Variants in GALM observed in about 807,000 individuals in gnomAD.
GALM encodes aldose 1-epimerase.
In GALM, 43 loss-of-function variants were observed where a neutral mutation model predicts 37.4. That is an observed-to-expected ratio of 1.15 (90% confidence interval 0.90 to 1.48). GALM has a LOEUF of 1.48. Ranked by LOEUF, GALM falls within the 40% of genes most tolerant of loss-of-function variation. GALM has a pLI of 0.00. For missense variants in GALM, 456 were observed against 419.1 expected, an observed-to-expected ratio of 1.09 and a Z score of -0.77; for synonymous variants, 199 against 170.6, an observed-to-expected ratio of 1.17 and a Z score of -1.30.
chr2:38,703,939 C>T (rs1489940873), intron 4 of GALM, among the ~76,000 whole-genome samples: 1 of 151,856 alleles, frequency 6.6e-6, no homozygotes, highest in Non-Finnish European at 1.5e-5. Context: ...TGCTTTGAAC[C>T]CAGGAGGCAG....
At chr2:38,725,095 C>CTG (rs1666458448) in intron 4 of GALM, among the ~76,000 whole-genome samples, 1 of 152,146 alleles carries the variant, frequency 6.6e-6, no homozygotes, top group Non-Finnish European at 1.5e-5. Flanking sequence ...TTTGAGTTGA[C>CTG]TGTGGCTTTA....
intron 4 of GALM, among the ~76,000 whole-genome samples, chr2:38,726,793 G>A (rs1173059657): frequency 6.6e-6 from 1 of 151,972 alleles, no homozygotes; most frequent in African/African-American, 2.4e-5. Flanking sequence ...CTACTTGGGA[G>A]GCTGAGGCAG....
At chr2:38,679,784 T>G (rs1312144814) in intron 2 of GALM, among the ~76,000 whole-genome samples, 1 of 152,210 alleles carries the variant, frequency 6.6e-6, no homozygotes, top group Non-Finnish European at 1.5e-5. Context: ...GCCTCCATTC[T>G]TTCATTATTC....
intron 3 of GALM, among the ~76,000 whole-genome samples, chr2:38,687,628 T>C (rs1464427026): frequency 6.6e-6 from 1 of 151,786 alleles, no homozygotes; most frequent in Non-Finnish European, 1.5e-5. Context: ...GGAGAATTGC[T>C]TGAACCCTGG....
intron 3 of GALM, among the ~76,000 whole-genome samples, chr2:38,684,128 A>G (rs1476942555): frequency 6.6e-6 from 1 of 152,170 alleles, no homozygotes; most frequent in African/African-American, 2.4e-5. Flanking sequence ...TGATATTTAA[A>G]TTAGTCAGCT....
intron 2 of GALM, among the ~76,000 whole-genome samples, chr2:38,676,453 G>T (rs1335066243): frequency 6.6e-6 from 1 of 152,030 alleles, no homozygotes; most frequent in Non-Finnish European, 1.5e-5. Flanking sequence ...TCACTAAATG[G>T]GAAAACCGAG....
intron 4 of GALM, among the ~76,000 whole-genome samples, chr2:38,708,111 T>TTAAAATAAAA (rs60153386): frequency 1.5e-4 from 21 of 135,738 alleles, no homozygotes; most frequent in African/African-American, 4.6e-4. Flanking sequence ...TGTATCAAAA[T>TTAAAATAAAA]TAAAATAAAA....
intron 4 of GALM, among the ~76,000 whole-genome samples, chr2:38,693,076 C>G (rs1665716449): frequency 6.6e-6 from 1 of 152,176 alleles, no homozygotes; most frequent in South Asian, 2.1e-4. Context: ...GAGCTCAAGG[C>G]CGATCCACAT....
intron 4 of GALM, among the ~76,000 whole-genome samples, chr2:38,694,410 C>T (rs1253692437): frequency 6.6e-6 from 1 of 152,122 alleles, no homozygotes; most frequent in African/African-American, 2.4e-5. Flanking sequence ...CTGTCTCCTC[C>T]TTGTTCCTTC....
intron 4 of GALM, 131 bp downstream of exon 4, chr2:38,690,025 G>A: frequency 1.7e-6 from 1 of 582,968 alleles, no homozygotes; most frequent in Non-Finnish European, 3.0e-6. Flanking sequence ...TTATTCTAGT[G>A]GTAATTTCTT....
chr2:38,698,438 T>A, intron 4 of GALM: 1 of 1,299,210 alleles, frequency 7.7e-7, no homozygotes, highest in South Asian at 1.2e-5. Context: ...AGTTTGCAGG[T>A]ACACTGTCAG....
intron 4 of GALM, among the ~76,000 whole-genome samples, chr2:38,708,203 G>C (rs1666079943): frequency 6.6e-6 from 1 of 151,932 alleles, no homozygotes; most frequent in Non-Finnish European, 1.5e-5. Context: ...GGGAGACCGA[G>C]GCAAGAGTAT....
At chr2:38,730,220 C>A (rs534439434) in intron 5 of GALM, among the ~76,000 whole-genome samples, 8 of 152,318 alleles carry the variant, frequency 5.3e-5, no homozygotes, top group South Asian at 2.1e-4. Flanking sequence ...CTAATATCAT[C>A]CTTGGCACTA....
At chr2:38,692,897 G>C (rs1160557676) in intron 4 of GALM, among the ~76,000 whole-genome samples, 1 of 152,184 alleles carries the variant, frequency 6.6e-6, no homozygotes, top group Non-Finnish European at 1.5e-5. Context: ...GAAATAGCAG[G>C]ACTAGCCCAG....
chr2:38,696,781 CTTT>C (rs34163863), intron 4 of GALM, among the ~76,000 whole-genome samples: 1 of 68,474 alleles, frequency 1.5e-5, no homozygotes, highest in African/African-American at 6.6e-5. Context: ...CCCAAGAAAG[CTTT>C]TTTTTTTTTT....
chr2:38,709,927 T>A lies in GALM; in HGVS notation c.635-19629T>A, dbSNP rs1249627198. 3.9e-5 allele frequency among the ~76,000 whole-genome samples: 6 copies of A among 152,334 alleles called. No homozygotes were observed. In the East Asian group the frequency reaches 7.7e-4, roughly 20 times the overall value. ...CTTATGCAAATTTGACTGACTCTTC[T>A]GAGCCCGACTAGATAAAGAAACAGA... On this transcript the variant is annotated intron_variant, in intron 4 of 6. Transcript: ENST00000272252.
chr2:38,680,092 C>G, intron 2 of GALM: 1 of 452,792 alleles, frequency 2.2e-6, no homozygotes, highest in Non-Finnish European at 4.4e-6. Context: ...GATCTCGGCT[C>G]ACTGCAGCCT....
chr2:38,681,494 A>G lies in GALM; in HGVS notation c.552+8A>G, dbSNP rs776545323. ...TTCAACCTGGCAGGCCAGGTAAGTG[A>G]ACTTGTTTCTTCTTTCCTGCTTCGT... is the stretch of plus-strand genomic sequence containing the variant. On this transcript the variant is annotated splice_region_variant and intron_variant, in intron 3 of 6. Coordinates refer to ENST00000272252, the MANE Select transcript of GALM (RefSeq NM_138801.3). 1 of 1,608,516 alleles carries G rather than the reference A, an allele frequency of 6.2e-7. No homozygotes were observed. The highest frequency in any genetic ancestry group is 8.5e-7 in the Non-Finnish European group (1 of 1,175,088).
chr2:38,723,716 A>G (rs1228479265), intron 4 of GALM, among the ~76,000 whole-genome samples: 1 of 152,034 alleles, frequency 6.6e-6, no homozygotes, highest in Non-Finnish European at 1.5e-5. Context: ...CCTTGAGCCC[A>G]GGAGTTTGAG....
Sources: gnomAD v4.1 joint callset for allele counts (sites outside exome capture counted in the v4.1 genomes callset) on GRCh38, gnomAD v4.1.1 for gene constraint, MANE v1.5 for transcripts, NCBI Gene and HGNC (gene_info 2026-07-23, HGNC 2026-07-21) for gene names.